UMAD1: variants seen among roughly 807,000 people sequenced by gnomAD.
UMAD1 encodes UBAP1-MVB12-associated (UMA) domain containing 1.
Under a neutral mutation model 6.1 loss-of-function variants are expected in UMAD1, and 8 were observed. The observed-to-expected ratio is 1.30, with a 90% CI of 0.76 to 2.35. UMAD1 has a LOEUF of 2.35. Ranked by LOEUF, UMAD1 falls within the 30% of genes most tolerant of loss-of-function variation. The probability of loss-of-function intolerance (pLI) is 0.00; values close to 1 mark genes in which losing one functional copy is unlikely to be tolerated. For missense variants in UMAD1, 130 were observed against 78.4 expected (o/e 1.66, Z -2.49); for synonymous variants, 56 against 31.4 (o/e 1.78, Z -2.61).
intron 3 of UMAD1, among the ~76,000 whole-genome samples, chr7:7,834,635 T>C (rs1040407749): frequency 1.3e-5 from 2 of 151,896 alleles, no homozygotes; most frequent in African/African-American, 4.8e-5. Context: ...GAAAGAACTC[T>C]CTCCCTCTTC....
In UMAD1 at chr7:7,640,800, G is replaced by C. The variant is rs891264015; in HGVS notation, c.-85G>C. On this transcript the variant is annotated 5_prime_UTR_variant, in exon 1 of 4. Transcript: ENST00000682710. ...TGAAGCTCCGGTGCTGGTGCGGCGG[G>C]GGACTGCGGGGCCAGCCTCAGGTAC... 24 of 207,592 alleles carry C rather than the reference G, an allele frequency of 1.2e-4. No individual in the cohort carries two copies. Among genetic ancestry groups the C allele is most frequent in the Non-Finnish European group, 2.0e-4 (20 of 100,534 alleles). 12.9% of individuals were successfully genotyped at this position (207,592 alleles called of 1,614,324 possible).
chr7:7,714,907 T>C lies in UMAD1; in HGVS notation c.82+41454T>C, dbSNP rs1467598894. ...TAACACTTGCAGACCTGTTGTACCA[T>C]GTGGTTGAACTAAGCAGAACAGGGG... On this transcript the variant is annotated intron_variant, in intron 2 of 3. Coordinates refer to ENST00000682710, the MANE Select transcript of UMAD1 (RefSeq NM_001302348.2). Among the ~76,000 whole-genome samples the C allele has an allele frequency of 4.0e-5, 6 of 150,414 alleles. No individual in the cohort carries two copies. The Middle Eastern group carries it at 0.014, about 343-fold the overall frequency.
intron 3 of UMAD1, among the ~76,000 whole-genome samples, chr7:7,845,527 G>C (rs547594684): frequency 1.4e-4 from 21 of 152,132 alleles, no homozygotes; most frequent in South Asian, 6.2e-4. Context: ...AGTGAAACTA[G>C]CTTTTTGTGA....
intron 3 of UMAD1, among the ~76,000 whole-genome samples, chr7:7,804,257 T>A (rs1207007513): frequency 6.6e-6 from 1 of 152,178 alleles, no homozygotes; most frequent in Non-Finnish European, 1.5e-5. Flanking sequence ...TAAATCGCAA[T>A]GCAAGAGGAA....
At chr7:7,720,768 G>A (rs1781031824) in intron 2 of UMAD1, among the ~76,000 whole-genome samples, 1 of 152,166 alleles carries the variant, frequency 6.6e-6, no homozygotes, top group African/African-American at 2.4e-5. Flanking sequence ...AAGGCTAAGT[G>A]CAGGTGTGCT....
At chr7:7,759,474 T>C (rs923512262) in intron 2 of UMAD1, among the ~76,000 whole-genome samples, 2 of 152,348 alleles carry the variant, frequency 1.3e-5, no homozygotes, top group Admixed American at 1.3e-4. Flanking sequence ...TCTTTAAACT[T>C]GACTGAGAAT....
At chr7:7,653,637 G>A (rs750971583) in intron 1 of UMAD1, among the ~76,000 whole-genome samples, 2 of 152,186 alleles carry the variant, frequency 1.3e-5, no homozygotes, top group Non-Finnish European at 2.9e-5. Flanking sequence ...GAAGAAAAGG[G>A]CAGTATTCTG....
intron 2 of UMAD1, among the ~76,000 whole-genome samples, chr7:7,795,154 A>G (rs140481843): frequency 2.3e-3 from 350 of 152,346 alleles, no homozygotes; most frequent in African/African-American, 8.0e-3. Context: ...TCTAAAATAT[A>G]TAAAACCAAA....
At chr7:7,694,478 G>A (rs1344026844) in intron 2 of UMAD1, among the ~76,000 whole-genome samples, 3 of 151,988 alleles carry the variant, frequency 2.0e-5, no homozygotes, top group Admixed American at 2.0e-4. Context: ...CTTACTTATT[G>A]TATCAAACTA....
chr7:7,876,215 G>A (rs1225063991), intron 3 of UMAD1, among the ~76,000 whole-genome samples: 1 of 152,098 alleles, frequency 6.6e-6, no homozygotes, highest in Non-Finnish European at 1.5e-5. Flanking sequence ...GAAAGCAAAG[G>A]CCCTGAGGCA....
intron 2 of UMAD1, among the ~76,000 whole-genome samples, chr7:7,731,739 A>G (rs1229611386): frequency 6.6e-6 from 1 of 152,222 alleles, no homozygotes; most frequent in East Asian, 1.9e-4. Context: ...CAAATTTGAA[A>G]TAAGCTGTTT....
intron 3 of UMAD1, among the ~76,000 whole-genome samples, chr7:7,845,786 A>G (rs1037599476): frequency 1.3e-5 from 2 of 152,122 alleles, no homozygotes; most frequent in Non-Finnish European, 2.9e-5. Flanking sequence ...TAGAGTTTTC[A>G]AATTTCCTTG....
chr7:7,692,064 A>T (rs1323228531), intron 2 of UMAD1, among the ~76,000 whole-genome samples: 5 of 152,216 alleles, frequency 3.3e-5, no homozygotes, highest in Non-Finnish European at 7.3e-5. Flanking sequence ...AACTGCAGTT[A>T]TTAACAGCTA....
chr7:7,761,229 G>A (rs542634624), intron 2 of UMAD1, among the ~76,000 whole-genome samples: 2 of 151,936 alleles, frequency 1.3e-5, no homozygotes, highest in African/African-American at 4.8e-5. Context: ...AGCCAATATG[G>A]TGGTATGTGC....
intron 2 of UMAD1, among the ~76,000 whole-genome samples, chr7:7,746,939 T>C (rs1344180487): frequency 2.0e-5 from 3 of 149,384 alleles, no homozygotes; most frequent in Non-Finnish European, 4.4e-5. Flanking sequence ...ATATTTCTTT[T>C]AAGTGGAGTG....
At chr7:7,704,640 C>T (rs963580953) in intron 2 of UMAD1, among the ~76,000 whole-genome samples, 26 of 147,844 alleles carry the variant, frequency 1.8e-4, no homozygotes, top group Non-Finnish European at 7.5e-5. Flanking sequence ...TGGTCATGCA[C>T]GTCTGTAGTC....
chr7:7,823,881 C>T (rs1456788107), intron 3 of UMAD1, among the ~76,000 whole-genome samples: 7 of 152,082 alleles, frequency 4.6e-5, no homozygotes, highest in Non-Finnish European at 1.0e-4. Context: ...TTCAGCTTCT[C>T]CTTCTCACAT....
intron 2 of UMAD1, chr7:7,685,701 C>T (rs1780027832): frequency 6.6e-6 from 1 of 152,184 alleles, no homozygotes; most frequent in African/African-American, 2.4e-5. Context: ...CGAAGTTGTA[C>T]TTTTCTTCTT....
chr7:7,674,470 C>T (rs981192803), intron 2 of UMAD1, among the ~76,000 whole-genome samples: 1 of 152,178 alleles, frequency 6.6e-6, no homozygotes, highest in Non-Finnish European at 1.5e-5. Context: ...CATGTTCTGG[C>T]AGGCCTGTTG....
Sources: gnomAD v4.1 joint callset for allele counts (sites outside exome capture counted in the v4.1 genomes callset) on GRCh38, gnomAD v4.1.1 for gene constraint, MANE v1.5 for transcripts, NCBI Gene and HGNC (gene_info 2026-07-23, HGNC 2026-07-21) for gene names.